UBE2V1: variants seen among roughly 807,000 people sequenced by gnomAD.
The protein encoded by UBE2V1 is ubiquitin-conjugating enzyme E2 variant 1.
UBE2V1 carries 15 observed loss-of-function variants against 19.6 expected under a neutral mutation model. The observed-to-expected ratio is 0.77, with a 90% CI of 0.51 to 1.18. UBE2V1 has a LOEUF of 1.18. UBE2V1 is among the 50% of genes most tolerant of loss of function. The pLI is 0.00. For missense variants in UBE2V1, 125 were observed against 184.8 expected, an observed-to-expected ratio of 0.68 and a Z score of 1.88; for synonymous variants, 60 against 60.7, an observed-to-expected ratio of 0.99 and a Z score of 0.05.
upstream of UBE2V1, chr20:50,114,814 C>T (rs2080959296): frequency 6.6e-6 from 1 of 152,322 alleles, no homozygotes; most frequent in African/African-American, 2.4e-5. Flanking sequence ...ACCTGTAATC[C>T]CAGCACTTTG....
At chr20:50,086,927 A>G (rs934247589) in intron 2 of UBE2V1, among the ~76,000 whole-genome samples, 3 of 151,880 alleles carry the variant, frequency 2.0e-5, no homozygotes, top group Non-Finnish European at 4.4e-5. Context: ...AATACAAAAC[A>G]TTAGCCGGGT....
chr20:50,096,429 T>G, intron 2 of UBE2V1: 1 of 933,642 alleles, frequency 1.1e-6, no homozygotes, highest in Non-Finnish European at 1.6e-6. Context: ...CACACCTCAC[T>G]GTCTACATTG....
Position 50,097,930 on chromosome 20 carries a change from G to C in UBE2V1, c.23-1110C>G, listed in dbSNP as rs536807460. The stretch of plus-strand genomic sequence containing the variant: ...ATTGGAATAAATATTTGAGTACTTA[G>C]TATACATCGGGGACTTTTCTAAGCA... On this transcript the variant is annotated intron_variant, in intron 1 of 3. Coordinates refer to ENST00000371674, the MANE Select transcript of UBE2V1 (RefSeq NM_001032288.3). 3.2e-4 allele frequency among the ~76,000 whole-genome samples: 48 copies of C among 152,328 alleles called. No individual in the cohort carries two copies. The Middle Eastern group carries it at 0.01, about 32-fold the overall frequency.
chr20:50,091,471 G>T (rs926018116), intron 2 of UBE2V1, among the ~76,000 whole-genome samples: 1 of 131,182 alleles, frequency 7.6e-6, no homozygotes, highest in South Asian at 2.4e-4. Context: ...GCGCGATCTC[G>T]GCTTACTGCA....
At chr20:50,102,479 C>T (rs1360153239) in intron 1 of UBE2V1, among the ~76,000 whole-genome samples, 1 of 152,138 alleles carries the variant, frequency 6.6e-6, no homozygotes, top group Admixed American at 6.5e-5. Context: ...GTAAGGATAC[C>T]TGGTCTACCA....
intron 2 of UBE2V1, among the ~76,000 whole-genome samples, chr20:50,086,143 G>A (rs1018859356): frequency 3.3e-5 from 5 of 152,090 alleles, no homozygotes; most frequent in South Asian, 2.1e-4. Flanking sequence ...AGACTGACCC[G>A]GGCAGCCCTA....
chr20:50,104,280 CAA>C (rs34011542), intron 1 of UBE2V1: 13,525 of 816,024 alleles, frequency 0.017, 3 homozygotes, highest in South Asian at 0.042. Context: ...GACTCCGTCT[CAA>C]AAAAAAAAAA....
chr20:50,094,010 A>AAAATAAT (rs2079416552), intron 2 of UBE2V1, among the ~76,000 whole-genome samples: 1 of 94,732 alleles, frequency 1.1e-5, no homozygotes, highest in Non-Finnish European at 1.9e-5. Context: ...AAAAAAAAAA[A>AAAATAAT]AATAATAATA....
upstream of UBE2V1, chr20:50,115,101 A>G (rs1055353718): frequency 5.9e-6 from 1 of 170,182 alleles, no homozygotes; most frequent in African/African-American, 2.4e-5. Context: ...TAGGTACCCC[A>G]CTTGCCTCAC....
intron 1 of UBE2V1, among the ~76,000 whole-genome samples, chr20:50,107,514 A>C (rs947047608): frequency 2.0e-5 from 3 of 152,240 alleles, no homozygotes; most frequent in African/African-American, 7.2e-5. Context: ...GAAATGAGTC[A>C]GGACAACTGG....
chr20:50,084,221 T>C lies in UBE2V1; in HGVS notation c.205A>G (p.Ile69Val). The C allele has an allele frequency of 1.2e-6, 2 of 1,612,444 alleles. No individual in the cohort carries two copies. Among genetic ancestry groups the C allele is most frequent in the Non-Finnish European group, 1.7e-6 (2 of 1,179,462 alleles). ...IYENRIYSLK[I>V]ECGPKYPEAP... ...TCTGGGTATTTAGGTCCACATTCTA[T>C]TTTAAGGCTGTATATTCGGTTTTCA... is the stretch of plus-strand genomic sequence containing the variant. The change falls in exon 3 of 4, where the codon ATA (isoleucine) becomes GTA (valine). Residue 69 changes from isoleucine to valine, a missense_variant. Coordinates refer to ENST00000371674, the MANE Select transcript of UBE2V1 (RefSeq NM_001032288.3).
chr20:50,111,188 G>T, intron 1 of UBE2V1: 1 of 946,870 alleles, frequency 1.1e-6, no homozygotes, highest in Non-Finnish European at 1.3e-6. Flanking sequence ...GCACCTCAAA[G>T]CCTGTCCTAT....
Position 50,082,930 on chromosome 20 carries a change from CA to C in UBE2V1, c.298-17del. On this transcript the variant is annotated splice_polypyrimidine_tract_variant and intron_variant, in intron 3 of 3. Coordinates refer to ENST00000371674, the MANE Select transcript of UBE2V1 (RefSeq NM_001032288.3). ...TTGGGTCCACCTACAACAAGGCAAA[CA>C]AAAGCAAATTACTCTCAGACTCTCA... The C allele has an allele frequency of 6.2e-7, 1 of 1,600,564 alleles. No individual in the cohort carries two copies.
intron 1 of UBE2V1, among the ~76,000 whole-genome samples, chr20:50,104,979 A>C (rs1208540438): frequency 6.6e-6 from 1 of 152,142 alleles, no homozygotes; most frequent in Admixed American, 6.5e-5. Context: ...CACCTGCCTC[A>C]GCCTCCCAAA....
At chr20:50,113,259 C>CCG, upstream of UBE2V1, 1 of 686,320 alleles carries the variant, frequency 1.5e-6, no homozygotes, top group Non-Finnish European at 2.1e-6. Context: ...CCTGCACGAC[C>CCG]CGTGGCCTGG....
intron 1 of UBE2V1, among the ~76,000 whole-genome samples, chr20:50,102,695 G>A (rs1183001914): frequency 6.6e-6 from 1 of 152,162 alleles, no homozygotes; most frequent in East Asian, 1.9e-4. Flanking sequence ...CTCGGCCGAC[G>A]ATCCTCTTAA....
At chr20:50,084,770 T>C in intron 2 of UBE2V1, 1 of 344,452 alleles carries the variant, frequency 2.9e-6, no homozygotes. Context: ...GGTTAGGCAC[T>C]GGGTAAGGGA....
intron 1 of UBE2V1, chr20:50,098,888 T>C (rs2079805871): frequency 1.0e-6 from 1 of 984,034 alleles, no homozygotes; most frequent in Non-Finnish European, 1.2e-6. Flanking sequence ...ATACTTGAAC[T>C]GCTTGTTTGG....
chr20:50,084,282 C>T (rs369467314), intron 2 of UBE2V1, 28 bp from the exon 3 acceptor site: 424 of 1,609,826 alleles, frequency 2.6e-4, no homozygotes, highest in Non-Finnish European at 3.3e-4. Flanking sequence ...GGAGATGTCA[C>T]GCAATTACAA....
Sources: gnomAD v4.1 joint callset for allele counts (sites outside exome capture counted in the v4.1 genomes callset) on GRCh38, gnomAD v4.1.1 for gene constraint, MANE v1.5 for transcripts, NCBI Gene and HGNC (gene_info 2026-07-23, HGNC 2026-07-21) for gene names.